GHRL: variants seen among roughly 807,000 people sequenced by gnomAD.
GHRL encodes ghrelin and obestatin prepropeptide, also known as appetite-regulating hormone.
In GHRL, 24 loss-of-function variants were observed where a neutral mutation model predicts 16.9. That is an observed-to-expected ratio of 1.42 (90% CI 1.03 to 2.00). GHRL has a LOEUF of 2.00. Among genes scored for constraint, GHRL ranks in the 30% most tolerant of loss-of-function variants. The probability of loss-of-function intolerance (pLI) is 0.00; values close to 1 mark genes in which losing one functional copy is unlikely to be tolerated. For synonymous variants in GHRL, 63 were observed against 58.2 expected (o/e 1.08, Z -0.37); for missense variants, 193 against 142.1 (o/e 1.36, Z -1.82).
chr3:10,287,419 G>A (rs1300177060), intron 4 of GHRL: 1 of 153,160 alleles, frequency 6.5e-6, no homozygotes, highest in Non-Finnish European at 1.5e-5. Context: ...TACAGGGAGA[G>A]CGCCTCATCT....
intron 4 of GHRL, among the ~76,000 whole-genome samples, chr3:10,288,838 A>T (rs937289955): frequency 2.0e-5 from 3 of 152,208 alleles, no homozygotes; most frequent in Admixed American, 2.0e-4. Context: ...GAGGAGGAAG[A>T]GGGCTTGGGG....
intron 4 of GHRL, 93 bp from the exon 5 acceptor site, chr3:10,286,905 G>A (rs1360267173): frequency 1.3e-6 from 1 of 741,198 alleles, no homozygotes; most frequent in Non-Finnish European, 2.4e-6. Context: ...CTCTCTTCAG[G>A]AGTGGAGAGG....
chr3:10,291,418 C>T lies in GHRL; in HGVS notation c.-732G>A, dbSNP rs1443307998. 9 of 985,380 alleles carry T rather than the reference C, an allele frequency of 9.1e-6. No individual in the cohort carries two copies. The highest frequency in any genetic ancestry group is 7.0e-5 in the African/African-American group (4 of 57,246). 61.0% of individuals were successfully genotyped at this position (985,380 alleles called of 1,614,324 possible). On this transcript the variant is annotated 5_prime_UTR_variant, in exon 2 of 6. Coordinates refer to ENST00000335542, the MANE Select transcript of GHRL (RefSeq NM_016362.5). ...CCAGCAGCTTTGGTCCCTATTTTAGCGGATGCCTCTTCTGAGAGGGAAGTG... is the reference window on the plus strand; with the variant it reads ...CCAGCAGCTTTGGTCCCTATTTTAGTGGATGCCTCTTCTGAGAGGGAAGTG...
rs1698962410 is a variant in GHRL at position 10,285,775 on chromosome 3, C to T, written c.*100G>A. 1 of 890,596 alleles carries T rather than the reference C, an allele frequency of 1.1e-6. No individual in the cohort carries two copies. The allele number at this position is 890,596 out of a possible 1,614,324, so 55.2% of individuals were successfully genotyped here. A position where few individuals can be genotyped will look rare whatever the true frequency, so the allele number is the denominator to read the frequency against. On this transcript the variant is annotated 3_prime_UTR_variant, in exon 6 of 6. Coordinates refer to ENST00000335542, the MANE Select transcript of GHRL (RefSeq NM_016362.5). ...TACAGTTTGAACATTTATTCGCCTC[C>T]TGAGCTTGTACAACAGTCGTGGGAG...
intron 4 of GHRL, among the ~76,000 whole-genome samples, chr3:10,288,628 A>T (rs1163748248): frequency 6.6e-6 from 1 of 152,196 alleles, no homozygotes; most frequent in Non-Finnish European, 1.5e-5. Context: ...CACCGTGTAG[A>T]GGAAAGGTCT....
In GHRL at chr3:10,291,397, C is replaced by T. The variant is rs948620128; in HGVS notation, c.-711G>A. 1.4e-5 allele frequency: 14 copies of T among 985,414 alleles called. No homozygotes were observed. Among genetic ancestry groups the T allele is most frequent in the Non-Finnish European group, 1.7e-5 (14 of 829,998 alleles). 61.0% of individuals were successfully genotyped at this position (985,414 alleles called of 1,614,324 possible). A position where few individuals can be genotyped will look rare whatever the true frequency, so the allele number is the denominator to read the frequency against. On this transcript the variant is annotated 5_prime_UTR_variant, in exon 2 of 6. Coordinates refer to ENST00000335542, the MANE Select transcript of GHRL (RefSeq NM_016362.5). ...AGCAGCTTGCCTTGCCTCCCTCCAGCAGCTTTGGTCCCTATTTTAGCGGAT... is the reference window on the plus strand; with the variant it reads ...AGCAGCTTGCCTTGCCTCCCTCCAGTAGCTTTGGTCCCTATTTTAGCGGAT...
chr3:10,286,293 A>G (rs1699054932), intron 5 of GHRL, among the ~76,000 whole-genome samples: 1 of 152,178 alleles, frequency 6.6e-6, no homozygotes, highest in Non-Finnish European at 1.5e-5. Context: ...TATTTGAAGG[A>G]ACTGCTTAAC....
In GHRL at chr3:10,290,061, G is replaced by A. The variant is rs542958062; in HGVS notation, c.108+12C>T. On this transcript the variant is annotated intron_variant, in intron 3 of 5. Coordinates refer to ENST00000335542, the MANE Select transcript of GHRL (RefSeq NM_016362.5). ...CTGGAACAACATGTGGGGCTTTGTGGGGAGGTCTCACCTGGACTCTCTGGT... is the reference window on the plus strand; with the variant it reads ...CTGGAACAACATGTGGGGCTTTGTGAGGAGGTCTCACCTGGACTCTCTGGT... 1.2e-6 allele frequency: 2 copies of A among 1,610,762 alleles called. No individual in the cohort carries two copies. The highest frequency in any genetic ancestry group is 1.1e-5 in the South Asian group (1 of 90,606).
intron 5 of GHRL, among the ~76,000 whole-genome samples, chr3:10,286,106 G>C (rs1293297977): frequency 1.3e-5 from 2 of 152,192 alleles, no homozygotes; most frequent in East Asian, 3.9e-4. Flanking sequence ...TTGCACAGCG[G>C]GGTGAATGCT....
intron 4 of GHRL, 51 bp from the exon 5 acceptor site, chr3:10,286,863 C>A (rs1213686069): frequency 9.1e-7 from 1 of 1,094,736 alleles, no homozygotes; most frequent in Non-Finnish European, 1.4e-6. Context: ...TCATGCCCAT[C>A]CCCATCTCAA....
intron 4 of GHRL, 164 bp from the exon 5 acceptor site, chr3:10,286,976 C>T: frequency 5.3e-6 from 3 of 569,138 alleles, no homozygotes; most frequent in Non-Finnish European, 9.5e-6. Context: ...GGTTCTCTTC[C>T]TTTCTCAGGA....
rs988847865 is a variant in GHRL at position 10,291,148 on chromosome 3, C to T, written c.-462G>A. The T allele has an allele frequency of 5.1e-6, 5 of 985,614 alleles. No homozygotes were observed. The African/African-American group carries it at 8.7e-5, about 17-fold the overall frequency. 61.1% of individuals were successfully genotyped at this position (985,614 alleles called of 1,614,324 possible). ...CCCAGTCCAGCGCCCCGTTGTTTCC[C>T]ATGTGCTGTTGCTGCTCTGGCCTCT... is the stretch of plus-strand genomic sequence containing the variant. On this transcript the variant is annotated 5_prime_UTR_variant, in exon 2 of 6. It removes an upstream start codon present in the reference 5' UTR. Transcript: ENST00000335542.
At chr3:10,291,860 C>T (rs1041129857) in intron 1 of GHRL, among the ~76,000 whole-genome samples, 4 of 151,866 alleles carry the variant, frequency 2.6e-5, no homozygotes, top group Admixed American at 2.0e-4. Flanking sequence ...GTGGTGAACT[C>T]GGGGCAGGGC....
At position 10,291,363 on chromosome 3, in the gene GHRL, T is replaced by C. The variant is rs887531750; in HGVS notation, c.-677A>G. 1.0e-6 allele frequency: 1 copy of C among 985,422 alleles called. No homozygotes were observed. The highest frequency in any genetic ancestry group is 1.2e-6 in the Non-Finnish European group (1 of 830,016). The allele number at this position is 985,422 out of a possible 1,614,324, so 61.0% of individuals were successfully genotyped here. ...TGACATGACTGCCTGGCCTGGCGTTTTTTCACATAGCAGCTTGCCTTGCCT... is the reference window on the plus strand; with the variant it reads ...TGACATGACTGCCTGGCCTGGCGTTCTTTCACATAGCAGCTTGCCTTGCCT... On this transcript the variant is annotated 5_prime_UTR_variant, in exon 2 of 6. Coordinates refer to ENST00000335542, the MANE Select transcript of GHRL (RefSeq NM_016362.5).
intron 2 of GHRL, 42 bp from the exon 3 acceptor site, chr3:10,290,251 A>C (rs1035181985): frequency 1.3e-6 from 2 of 1,555,196 alleles, no homozygotes; most frequent in Non-Finnish European, 1.7e-6. Flanking sequence ...TCCCCTTCTC[A>C]TGTGCCTCTG....
intron 4 of GHRL, chr3:10,287,914 ATTTTTTTTTTT>A (rs1014353877): frequency 1.3e-4 from 10 of 76,782 alleles, no homozygotes; most frequent in Non-Finnish European, 2.4e-4. Context: ...ACATGATTGA[ATTTTTTTTTTT>A]TTTTTTTTTT....
chr3:10,285,686 A>AT lies in GHRL; in HGVS notation c.*188dup, dbSNP rs1698953251. The AT allele has an allele frequency of 7.3e-6, 4 of 544,368 alleles. No individual in the cohort carries two copies. Among genetic ancestry groups the AT allele is most frequent in the Non-Finnish European group, 1.3e-5 (4 of 298,928 alleles). The allele number at this position is 544,368 out of a possible 1,614,324, so 33.7% of individuals were successfully genotyped here. A position where few individuals can be genotyped will look rare whatever the true frequency, so the allele number is the denominator to read the frequency against. The stretch of plus-strand genomic sequence containing the variant: ...AATTATTTTTATTTGTATTATTTTG[A>AT]TTTTTTTAAAGTAAAATATTAACTT... On this transcript the variant is annotated 3_prime_UTR_variant, in exon 6 of 6. Coordinates refer to ENST00000335542, the MANE Select transcript of GHRL (RefSeq NM_016362.5).
At position 10,292,849 on chromosome 3, in the gene GHRL, C is replaced by G; in HGVS notation, c.-773G>C. The G allele has an allele frequency of 6.5e-7, 1 of 1,538,698 alleles. No individual in the cohort carries two copies. The highest frequency in any genetic ancestry group is 8.8e-7 in the Non-Finnish European group (1 of 1,136,152). Reference sequence around the variant, plus strand: ...CATGAAGCCTCCACTTACCTGGACCCTGGAGGCCTCTCCGGGCACAGCTGC... The same window carrying G: ...CATGAAGCCTCCACTTACCTGGACCGTGGAGGCCTCTCCGGGCACAGCTGC... On this transcript the variant is annotated 5_prime_UTR_variant, in exon 1 of 6. Coordinates refer to ENST00000335542, the MANE Select transcript of GHRL (RefSeq NM_016362.5).
intron 1 of GHRL, 65 bp from the exon 2 acceptor site, chr3:10,291,516 G>A (rs765784867): frequency 1.5e-4 from 145 of 948,188 alleles, no homozygotes; most frequent in Non-Finnish European, 1.6e-4. Context: ...GCCTTACGCC[G>A]ACCACAAATA....
Sources: allele counts gnomAD v4.1 joint callset (sites outside exome capture counted in the v4.1 genomes callset), GRCh38; gene constraint gnomAD v4.1.1; transcripts MANE v1.5; gene names NCBI Gene and HGNC (gene_info 2026-07-23, HGNC 2026-07-21).